ANAPC1: variants seen among roughly 807,000 people sequenced by gnomAD.
ANAPC1 encodes the protein anaphase promoting complex subunit 1.
ANAPC1 carries 36 observed loss-of-function variants against 208.0 expected under a neutral mutation model. The observed-to-expected ratio is 0.17, with a 90% confidence interval of 0.13 to 0.23. ANAPC1 has a LOEUF of 0.23. Among genes scored for constraint, ANAPC1 ranks in the 10% least tolerant of loss-of-function variants. ANAPC1 has a pLI of 1.00. For missense variants in ANAPC1, 942 were observed against 2,011.6 expected (o/e 0.47, Z 10.17); for synonymous variants, 378 against 695.2 (o/e 0.54, Z 7.18).
chr2:111,851,545 G>C (rs1482910695), intron 13 of ANAPC1, among the ~76,000 whole-genome samples: 1 of 152,130 alleles, frequency 6.6e-6, no homozygotes, highest in South Asian at 2.1e-4. Flanking sequence ...GGTGGCTCAC[G>C]CCTGTAATCC....
chr2:111,787,829 A>G (rs1383213215), intron 39 of ANAPC1, among the ~76,000 whole-genome samples: 2 of 140,318 alleles, frequency 1.4e-5, no homozygotes, highest in African/African-American at 2.8e-5. Flanking sequence ...TGTGAAAGGA[A>G]AAAAAGAAAC....
chr2:111,856,005 G>A (rs1287957304), intron 13 of ANAPC1, among the ~76,000 whole-genome samples: 3 of 152,204 alleles, frequency 2.0e-5, no homozygotes, highest in Non-Finnish European at 4.4e-5. Flanking sequence ...GGAGGCCGAG[G>A]TGGGTGGATC....
chr2:111,792,814 G>T (rs1297937673), intron 37 of ANAPC1, among the ~76,000 whole-genome samples: 1 of 152,022 alleles, frequency 6.6e-6, no homozygotes, highest in Admixed American at 6.5e-5. Flanking sequence ...TTAGCCGGGC[G>T]TGGTGGCGGG....
chr2:111,775,391 T>C (rs1676952184), intron 46 of ANAPC1, among the ~76,000 whole-genome samples: 1 of 152,242 alleles, frequency 6.6e-6, no homozygotes, highest in South Asian at 2.1e-4. Context: ...AAAGTCCACA[T>C]ATGCATCTGT....
intron 13 of ANAPC1, among the ~76,000 whole-genome samples, chr2:111,851,868 T>C (rs1253052012): frequency 6.6e-6 from 1 of 151,584 alleles, no homozygotes; most frequent in African/African-American, 2.4e-5. Context: ...TTTGGCTATC[T>C]GTAGGGTACT....
chr2:111,851,649 TA>T (rs1008670942), intron 13 of ANAPC1, among the ~76,000 whole-genome samples: 80 of 143,208 alleles, frequency 5.6e-4, no homozygotes, highest in Non-Finnish European at 5.1e-4. Context: ...TACTAAAAAT[TA>T]AAAAAAAAAA....
intron 11 of ANAPC1, 141 bp from the exon 12 acceptor site, chr2:111,857,027 A>C: frequency 1.7e-6 from 1 of 585,534 alleles, no homozygotes. Context: ...CAAATGCCAA[A>C]TTATCAAGAT....
intron 21 of ANAPC1, 111 bp from the exon 22 acceptor site, chr2:111,825,966 T>C: frequency 1.1e-6 from 1 of 952,358 alleles, no homozygotes; most frequent in Non-Finnish European, 1.5e-6. Flanking sequence ...AGCCTCAAAC[T>C]CCTTGGCTCA....
intron 7 of ANAPC1, 31 bp downstream of exon 7, chr2:111,867,992 C>T: frequency 1.4e-6 from 2 of 1,461,764 alleles, no homozygotes; most frequent in South Asian, 2.8e-5. Flanking sequence ...AAAAAAAGAG[C>T]TTATCTAAAA....
chr2:111,872,994 A>C, intron 5 of ANAPC1: 1 of 470,596 alleles, frequency 2.1e-6, no homozygotes, highest in South Asian at 3.3e-5. Context: ...AGGCATTAAA[A>C]AGACGATGAG....
At chr2:111,880,251 A>C (rs1298914024) in intron 2 of ANAPC1, among the ~76,000 whole-genome samples, 1 of 151,990 alleles carries the variant, frequency 6.6e-6, no homozygotes, top group African/African-American at 2.4e-5. Context: ...GCATGCCTGT[A>C]ATCCCAGCTA....
Position 111,850,855 on chromosome 2 carries a change from G to C in ANAPC1, c.1571C>G (p.Thr524Arg). 6.2e-7 allele frequency: 1 copy of C among 1,611,628 alleles called. No homozygotes were observed. The highest frequency in any genetic ancestry group is 8.5e-7 in the Non-Finnish European group (1 of 1,179,776). Residue 524 changes from threonine (T) to arginine (R), a missense_variant, in exon 14 of 48, where the codon ACA becomes AGA. Transcript: ENST00000341068. ...LPAPSLTMSNTMPRPSTPLDG... is the reference protein window; with the variant it reads ...LPAPSLTMSNRMPRPSTPLDG... ...TAGTGGAGTACTGGGCCGAGGCATTGTGTTGGACATCGTCAGAGAGGGAGC... is the reference window on the plus strand; with the variant it reads ...TAGTGGAGTACTGGGCCGAGGCATTCTGTTGGACATCGTCAGAGAGGGAGC...
intron 17 of ANAPC1, among the ~76,000 whole-genome samples, chr2:111,839,311 T>G (rs146773552): frequency 0.022 from 3,316 of 152,386 alleles, 111 homozygotes; most frequent in African/African-American, 0.074. Context: ...TTGTATCTTT[T>G]GAGGCCTTTC....
intron 24 of ANAPC1, among the ~76,000 whole-genome samples, chr2:111,823,786 T>C (rs569791879): frequency 2.0e-5 from 3 of 151,754 alleles, no homozygotes; most frequent in East Asian, 3.9e-4. Context: ...AACACAAATG[T>C]AGGTAGGGCA....
chr2:111,850,861 G>A lies in ANAPC1; in HGVS notation c.1565C>T (p.Ser522Phe). 6.2e-7 allele frequency: 1 copy of A among 1,611,342 alleles called. No homozygotes were observed. The highest frequency in any genetic ancestry group is 8.5e-7 in the Non-Finnish European group (1 of 1,179,726). Residue 522 changes from serine to phenylalanine, a missense_variant, in exon 14 of 48, where the codon TCC becomes TTC. Coordinates refer to ENST00000341068, the MANE Select transcript of ANAPC1 (RefSeq NM_022662.4). ...AGTACTGGGCCGAGGCATTGTGTTG[G>A]ACATCGTCAGAGAGGGAGCTGGCAG... ...PGLPAPSLTM[S>F]NTMPRPSTPL...
Position 111,776,111 on chromosome 2 carries a change from C to G in ANAPC1, c.5584+748G>C, listed in dbSNP as rs560330130. Among the ~76,000 whole-genome samples the G allele has an allele frequency of 4.7e-5, 7 of 149,074 alleles. No individual in the cohort carries two copies. In the East Asian group the frequency reaches 9.8e-4, roughly 21 times the overall value. ...TACTAATAGTTTTCACTAATCAAAGCAAGAATTGTTTCTACTACTATTACT... is the reference window on the plus strand; with the variant it reads ...TACTAATAGTTTTCACTAATCAAAGGAAGAATTGTTTCTACTACTATTACT... On this transcript the variant is annotated intron_variant, in intron 46 of 47. Coordinates refer to ENST00000341068, the MANE Select transcript of ANAPC1 (RefSeq NM_022662.4).
chr2:111,768,229 TTCA>T lies in ANAPC1; in HGVS notation c.*1059_*1061del, dbSNP rs569985368. ...TGGAGGTGCCTTTATATGAACATTT[TTCA>T]TCATCATCTAGTCCAGAAATCCCTC... On this transcript the variant is annotated 3_prime_UTR_variant, in exon 48 of 48. Coordinates refer to ENST00000341068, the MANE Select transcript of ANAPC1 (RefSeq NM_022662.4). 6.6e-6 allele frequency: 1 copy of T among 152,240 alleles called. No homozygotes were observed. Among genetic ancestry groups the T allele is most frequent in the Non-Finnish European group, 1.5e-5 (1 of 68,056 alleles). 9.4% of individuals were successfully genotyped at this position (152,240 alleles called of 1,614,324 possible).
chr2:111,871,561 A>G (rs1027459061), intron 6 of ANAPC1, among the ~76,000 whole-genome samples: 2 of 152,104 alleles, frequency 1.3e-5, no homozygotes, highest in African/African-American at 4.8e-5. Flanking sequence ...GACCAGCATG[A>G]CTAACATGGA....
At chr2:111,868,196 C>A in intron 6 of ANAPC1, 100 bp from the exon 7 acceptor site, 1 of 646,178 alleles carries the variant, frequency 1.5e-6, no homozygotes, top group Non-Finnish European at 2.6e-6. Context: ...ACATGAGCAA[C>A]TAGAAACCTA....
Sources: allele counts gnomAD v4.1 joint callset (sites outside exome capture counted in the v4.1 genomes callset), GRCh38; gene constraint gnomAD v4.1.1; transcripts MANE v1.5; gene names NCBI Gene and HGNC (gene_info 2026-07-23, HGNC 2026-07-21).